PDE8A: variants seen among roughly 807,000 people sequenced by gnomAD.
PDE8A encodes high affinity cAMP-specific and IBMX-insensitive 3',5'-cyclic phosphodiesterase 8A.
In PDE8A, 59 loss-of-function variants were observed where a neutral mutation model predicts 105.0. The observed-to-expected ratio is 0.56, with a 90% CI of 0.46 to 0.70. The LOEUF (loss-of-function observed/expected upper bound fraction) is 0.70. Ranked by LOEUF, PDE8A falls within the 30% of genes least tolerant of loss-of-function variation. PDE8A has a pLI of 0.00. For synonymous variants in PDE8A, 355 were observed against 371.9 expected, an observed-to-expected ratio of 0.95 and a Z score of 0.52; for missense variants, 1,014 against 1,045.9, an observed-to-expected ratio of 0.97 and a Z score of 0.42.
chr15:85,009,191 C>CT (rs1769029518), intron 1 of PDE8A, among the ~76,000 whole-genome samples: 1 of 151,022 alleles, frequency 6.6e-6, no homozygotes, highest in South Asian at 2.1e-4. Context: ...GGTATAAGAG[C>CT]TAGGTAATTT....
rs113749070 is a variant in PDE8A at position 84,987,803 on chromosome 15, G to A, written c.186+5455G>A. ...TGGATTGGTTCTTAAATAGGAGAAGGTTCATGATGTGAGGACACAGGGTGA... is the reference window on the plus strand; with the variant it reads ...TGGATTGGTTCTTAAATAGGAGAAGATTCATGATGTGAGGACACAGGGTGA... On this transcript the variant is annotated intron_variant, in intron 1 of 21. Transcript: ENST00000394553. Among the ~76,000 whole-genome samples, 537 of 152,150 alleles carry A rather than the reference G, an allele frequency of 3.5e-3. 2 individuals carry two copies. Among genetic ancestry groups the A allele is most frequent in the African/African-American group, 0.013 (521 of 41,484 alleles).
chr15:85,089,297 G>A (rs1192580291), intron 6 of PDE8A, 41 bp from the exon 7 acceptor site: 1 of 1,012,562 alleles, frequency 9.9e-7, no homozygotes, highest in African/African-American at 1.6e-5. Context: ...TTATTTTGTA[G>A]TATTTACATT....
intron 6 of PDE8A, among the ~76,000 whole-genome samples, chr15:85,087,635 T>C (rs1241108673): frequency 6.6e-6 from 1 of 152,208 alleles, no homozygotes; most frequent in Non-Finnish European, 1.5e-5. Flanking sequence ...GGAAAAAACC[T>C]GGAAGCAACC....
At chr15:85,115,254 C>T in intron 14 of PDE8A, 185 bp from the exon 15 acceptor site, 1 of 547,212 alleles carries the variant, frequency 1.8e-6, no homozygotes, top group Non-Finnish European at 3.2e-6. Flanking sequence ...GCCTGTTGTG[C>T]TCTCCAGTAA....
chr15:85,086,235 A>G (rs1024538633), intron 6 of PDE8A, among the ~76,000 whole-genome samples: 1 of 152,240 alleles, frequency 6.6e-6, no homozygotes, highest in African/African-American at 2.4e-5. Flanking sequence ...GTACTAAAAA[A>G]TAAAAGTGGA....
At chr15:85,025,005 A>T (rs2080490773) in intron 1 of PDE8A, among the ~76,000 whole-genome samples, 1 of 152,238 alleles carries the variant, frequency 6.6e-6, no homozygotes, top group Admixed American at 6.5e-5. Flanking sequence ...AATTAGATTT[A>T]TCTGGTGTTT....
intron 13 of PDE8A, 119 bp from the exon 14 acceptor site, chr15:85,113,754 A>G: frequency 2.6e-6 from 2 of 759,678 alleles, no homozygotes; most frequent in East Asian, 2.6e-5. Flanking sequence ...TCCTGGGCTC[A>G]AGTAATTCTC....
chr15:85,024,118 C>CT (rs2080472951), intron 1 of PDE8A, among the ~76,000 whole-genome samples: 2 of 152,312 alleles, frequency 1.3e-5, no homozygotes, highest in African/African-American at 4.8e-5. Flanking sequence ...CCCTTTAAGA[C>CT]TGAGCTCTGA....
At chr15:85,076,853 G>T (rs754418592) in intron 5 of PDE8A, 66 bp downstream of exon 5, 14 of 1,031,766 alleles carry the variant, frequency 1.4e-5, no homozygotes, top group Non-Finnish European at 2.0e-5. Context: ...TCTCAGTTCA[G>T]TACCCAGCAA....
chr15:85,108,540 G>A (rs1026444078), intron 11 of PDE8A, among the ~76,000 whole-genome samples: 3 of 152,154 alleles, frequency 2.0e-5, no homozygotes, highest in Non-Finnish European at 2.9e-5. Flanking sequence ...TGTGTCCTTC[G>A]TAGAGAAGAG....
chr15:85,115,631 G>A, intron 15 of PDE8A, 144 bp downstream of exon 15: 1 of 569,646 alleles, frequency 1.8e-6, no homozygotes, highest in East Asian at 3.1e-5. Context: ...CCCTGAGGCG[G>A]TACTGTCCTC....
At chr15:85,020,625 G>GT (rs1046284153) in intron 1 of PDE8A, among the ~76,000 whole-genome samples, 14 of 151,930 alleles carry the variant, frequency 9.2e-5, no homozygotes, top group Non-Finnish European at 1.5e-4. Flanking sequence ...ACAACAAAAA[G>GT]TTTTTTTAAT....
intron 1 of PDE8A, among the ~76,000 whole-genome samples, chr15:85,053,623 G>A (rs2081011012): frequency 6.6e-6 from 1 of 152,168 alleles, no homozygotes; most frequent in African/African-American, 2.4e-5. Context: ...CTGTCTGTCT[G>A]TTATTGGTGT....
At chr15:85,001,727 CAGTG>C (rs1225548902) in intron 1 of PDE8A, among the ~76,000 whole-genome samples, 3 of 152,190 alleles carry the variant, frequency 2.0e-5, no homozygotes, top group Admixed American at 6.5e-5. Flanking sequence ...TATGAGATCA[CAGTG>C]AGTGTGTGGC....
Position 85,042,925 on chromosome 15 carries a change from G to A in PDE8A, c.187-21445G>A, listed in dbSNP as rs1003659603. ...AGAATACGGGTTATGGGAACTGTGG[G>A]TGATTCTAGATAATTCGATTGTGTG... On this transcript the variant is annotated intron_variant, in intron 1 of 21. Transcript: ENST00000394553. 5.1e-4 allele frequency among the ~76,000 whole-genome samples: 77 copies of A among 152,216 alleles called. 1 individual carries two copies. Among genetic ancestry groups the A allele is most frequent in the African/African-American group, 1.8e-3 (76 of 41,450 alleles).
At chr15:84,985,576 C>G (rs193265762) in intron 1 of PDE8A, among the ~76,000 whole-genome samples, 1 of 152,314 alleles carries the variant, frequency 6.6e-6, no homozygotes, top group African/African-American at 2.4e-5. Flanking sequence ...CCCCTATCTT[C>G]CTTTTTGCAA....
At chr15:84,982,741 G>A (rs1057447058) in intron 1 of PDE8A, among the ~76,000 whole-genome samples, 5 of 152,192 alleles carry the variant, frequency 3.3e-5, no homozygotes, top group African/African-American at 1.2e-4. Flanking sequence ...AAATCAGTGT[G>A]AACTTTGTTC....
At chr15:85,066,648 G>C in intron 2 of PDE8A, among the ~76,000 whole-genome samples, 1 of 126,516 alleles carries the variant, frequency 7.9e-6, no homozygotes, top group Admixed American at 8.6e-5. Context: ...ACACAGAAAT[G>C]ACGATTCTGA....
intron 7 of PDE8A, chr15:85,090,768 C>T (rs1465304758): frequency 3.9e-6 from 2 of 518,606 alleles, no homozygotes; most frequent in Non-Finnish European, 7.5e-6. Flanking sequence ...CTTCCTCTGC[C>T]CCTGTTGAAG....
Sources: allele counts gnomAD v4.1 joint callset (sites outside exome capture counted in the v4.1 genomes callset), GRCh38; gene constraint gnomAD v4.1.1; transcripts MANE v1.5; gene names NCBI Gene and HGNC (gene_info 2026-07-23, HGNC 2026-07-21).